NBEA: variants seen among roughly 807,000 people sequenced by gnomAD.
The protein encoded by NBEA is neurobeachin, also known as lysosomal-trafficking regulator 2.
A neutral mutation model predicts 343.4 loss-of-function variants in NBEA; 44 were observed. That is an observed-to-expected ratio of 0.13 (90% CI 0.10 to 0.16). The LOEUF (loss-of-function observed/expected upper bound fraction) is 0.16. Ranked by LOEUF, NBEA falls within the 10% of genes least tolerant of loss-of-function variation. NBEA has a pLI of 1.00. For missense variants in NBEA, 2,555 were observed against 3,631.3 expected (o/e 0.70, Z 7.62); for synonymous variants, 1,175 against 1,238.7 (o/e 0.95, Z 1.08).
At chr13:35,535,384 GGT>G (rs2078488632) in intron 41 of NBEA, among the ~76,000 whole-genome samples, 1 of 152,110 alleles carries the variant, frequency 6.6e-6, no homozygotes, top group Non-Finnish European at 1.5e-5. Context: ...TTTAGTAAGT[GGT>G]AAATAAGAAC....
intron 1 of NBEA, among the ~76,000 whole-genome samples, chr13:35,038,520 G>A (rs147365818): frequency 4.6e-5 from 7 of 152,090 alleles, no homozygotes; most frequent in East Asian, 1.9e-4. Context: ...GGCCCTCAGC[G>A]TAGTACCTTG....
intron 36 of NBEA, among the ~76,000 whole-genome samples, chr13:35,314,467 G>A (rs61947459): frequency 0.1 from 15,149 of 151,980 alleles, 959 homozygotes; most frequent in African/African-American, 0.18. Flanking sequence ...CCCCTAATCT[G>A]GATTAGGTAC....
At chr13:35,606,690 A>G in intron 48 of NBEA, 112 bp downstream of exon 48, 1 of 808,506 alleles carries the variant, frequency 1.2e-6, no homozygotes, top group Non-Finnish European at 1.7e-6. Context: ...TAACATCTAT[A>G]AATACAAGCT....
intron 34 of NBEA, among the ~76,000 whole-genome samples, chr13:35,260,100 T>C (rs2033074805): frequency 6.6e-6 from 1 of 152,194 alleles, no homozygotes; most frequent in Non-Finnish European, 1.5e-5. Context: ...TTCAAACACG[T>C]AAGATCATGT....
intron 46 of NBEA, among the ~76,000 whole-genome samples, chr13:35,590,132 C>T (rs1342340611): frequency 1.3e-5 from 2 of 152,016 alleles, no homozygotes; most frequent in African/African-American, 4.8e-5. Flanking sequence ...GTTAATATAG[C>T]ACCTAATCCT....
chr13:35,650,484 C>A lies in NBEA; in HGVS notation c.7963+637C>A, dbSNP rs1017125877. ...CATAACGTTGTGGCAAACATTTAGA[C>A]ATATTGCAGGAGTTCAAGACCAGCC... On this transcript the variant is annotated intron_variant, in intron 52 of 58. Coordinates refer to ENST00000379939, the MANE Select transcript of NBEA (RefSeq NM_001385012.1). Among the ~76,000 whole-genome samples the A allele has an allele frequency of 2.0e-5, 3 of 152,116 alleles. 1 individual carries two copies. Among genetic ancestry groups the A allele is most frequent in the Admixed American group, 2.0e-4 (3 of 15,264 alleles).
At chr13:35,136,636 G>A (rs2067745466) in intron 17 of NBEA, among the ~76,000 whole-genome samples, 1 of 152,146 alleles carries the variant, frequency 6.6e-6, no homozygotes, top group East Asian at 1.9e-4. Flanking sequence ...CTTTCAAATG[G>A]TTAAACATTT....
At chr13:35,101,318 C>T (rs540463159) in intron 11 of NBEA, among the ~76,000 whole-genome samples, 1 of 151,850 alleles carries the variant, frequency 6.6e-6, no homozygotes, top group Non-Finnish European at 1.5e-5. Flanking sequence ...TTTAAGAGTT[C>T]CATTTTTTCC....
At chr13:35,135,291 A>G (rs1462865378) in intron 17 of NBEA, among the ~76,000 whole-genome samples, 1 of 152,098 alleles carries the variant, frequency 6.6e-6, no homozygotes. Flanking sequence ...AAAATCTGAA[A>G]TAATATTACA....
chr13:35,258,032 T>A (rs1237110068), intron 34 of NBEA, among the ~76,000 whole-genome samples: 1 of 152,142 alleles, frequency 6.6e-6, no homozygotes, highest in East Asian at 1.9e-4. Context: ...ACTTTACATA[T>A]AATACAAATT....
intron 1 of NBEA, among the ~76,000 whole-genome samples, chr13:34,943,929 T>G (rs1051689017): frequency 7.9e-5 from 12 of 152,174 alleles, no homozygotes; most frequent in African/African-American, 2.7e-4. Flanking sequence ...GTGTATGACT[T>G]AATGTTTTGC....
intron 38 of NBEA, among the ~76,000 whole-genome samples, chr13:35,401,307 A>T (rs1438396523): frequency 6.6e-6 from 1 of 152,006 alleles, no homozygotes; most frequent in African/African-American, 2.4e-5. Context: ...GACTGAGCTA[A>T]CGTGCTTAAC....
At chr13:35,416,336 G>C (rs1334176873) in intron 38 of NBEA, among the ~76,000 whole-genome samples, 2 of 152,122 alleles carry the variant, frequency 1.3e-5, no homozygotes, top group African/African-American at 4.8e-5. Flanking sequence ...AGTGCTTCCA[G>C]TTTTTGCCCA....
chr13:35,466,479 TC>T (rs1475614017), intron 40 of NBEA, among the ~76,000 whole-genome samples: 1 of 152,170 alleles, frequency 6.6e-6, no homozygotes, highest in Non-Finnish European at 1.5e-5. Context: ...AGCAAAAACA[TC>T]CTGTAACTAT....
intron 34 of NBEA, among the ~76,000 whole-genome samples, chr13:35,255,766 G>A (rs2032516183): frequency 6.6e-6 from 1 of 152,240 alleles, no homozygotes; most frequent in South Asian, 2.1e-4. Flanking sequence ...CACCCACAGT[G>A]TGGTGAGCGG....
intron 41 of NBEA, among the ~76,000 whole-genome samples, chr13:35,513,998 C>T (rs2077385745): frequency 6.6e-6 from 1 of 151,890 alleles, no homozygotes; most frequent in South Asian, 2.1e-4. Context: ...AATTAATATA[C>T]ATTTTAAATT....
At chr13:35,176,384 A>G (rs540465727) in intron 27 of NBEA, among the ~76,000 whole-genome samples, 1 of 152,076 alleles carries the variant, frequency 6.6e-6, no homozygotes, top group Non-Finnish European at 1.5e-5. Flanking sequence ...TAAGTGAGAA[A>G]GTACTTGATT....
intron 34 of NBEA, among the ~76,000 whole-genome samples, chr13:35,284,015 C>CCA (rs1555355329): frequency 1.3e-5 from 2 of 150,128 alleles, no homozygotes; most frequent in African/African-American, 2.5e-5. Context: ...CACACACACA[C>CCA]CACACAGATG....
rs370745102 is a variant in NBEA, at chr13:35,339,782, C to G, written c.5904-9326C>G. On this transcript the variant is annotated intron_variant, in intron 36 of 58. Transcript: ENST00000379939. ...TTACACACTTTTAACAACCAAAGTT[C>G]ATGAGATCTCACACTCTATCATGAG... Among the ~76,000 whole-genome samples the G allele has an allele frequency of 4.6e-4, 70 of 152,116 alleles. 1 individual carries two copies. In the South Asian group the frequency reaches 0.014, roughly 31 times the overall value.
Sources: gnomAD v4.1 joint callset for allele counts (sites outside exome capture counted in the v4.1 genomes callset) on GRCh38, gnomAD v4.1.1 for gene constraint, MANE v1.5 for transcripts, NCBI Gene and HGNC (gene_info 2026-07-23, HGNC 2026-07-21) for gene names.